Variants in RANGAP1 observed in about 807,000 individuals in gnomAD.
RANGAP1 encodes ran GTPase-activating protein 1.
In RANGAP1, 38 loss-of-function variants were observed where a neutral mutation model predicts 63.5. The observed-to-expected ratio is 0.60, with a 90% CI of 0.46 to 0.78. The LOEUF (loss-of-function observed/expected upper bound fraction) is 0.78, where lower values mean the gene tolerates loss of function less well. Ranked by LOEUF, RANGAP1 falls within the 30% of genes least tolerant of loss-of-function variation. The pLI, the probability that RANGAP1 is intolerant of heterozygous loss-of-function variation, is 0.00. For missense variants in RANGAP1, 630 were observed against 740.3 expected (o/e 0.85, Z 1.73); for synonymous variants, 329 against 310.5 (o/e 1.06, Z -0.63).
In RANGAP1 at chr22:41,246,353, A is replaced by C; in HGVS notation, c.*250T>G. The C allele has an allele frequency of 2.6e-6, 1 of 386,286 alleles. No homozygotes were observed. Among genetic ancestry groups the C allele is most frequent in the South Asian group, 3.5e-5 (1 of 28,324 alleles). 23.9% of individuals were successfully genotyped at this position (386,286 alleles called of 1,614,324 possible). A position where few individuals can be genotyped will look rare whatever the true frequency, so the allele number is the denominator to read the frequency against. On this transcript the variant is annotated 3_prime_UTR_variant, in exon 16 of 16. Coordinates refer to ENST00000356244, the MANE Select transcript of RANGAP1 (RefSeq NM_002883.4). ...CTCACAGCCCTTTCCCCTGGGGGCC[A>C]ACTCCCCACAACAGAGCAGGGCTGG...
At chr22:41,296,660 A>C in the RANGAP1 span, among the ~76,000 whole-genome samples, 1 of 152,062 alleles carries the variant, frequency 6.6e-6, no homozygotes, top group African/African-American at 2.4e-5. Context: ...AAAAAAAAAA[A>C]AAACACACAC....
At chr22:41,246,839 C>A (rs1431846148) in intron 15 of RANGAP1, among the ~76,000 whole-genome samples, 167 bp from the exon 16 acceptor site, 1 of 152,156 alleles carries the variant, frequency 6.6e-6, no homozygotes, top group Non-Finnish European at 1.5e-5. Context: ...ATGGGAGGTG[C>A]GAGAGGCTCA....
rs1215667717 is a variant in RANGAP1 at position 41,245,702 on chromosome 22, T to G, written c.*901A>C. On this transcript the variant is annotated 3_prime_UTR_variant, in exon 16 of 16. Transcript: ENST00000356244. ...GGGGAAAGCATGGGGCAGTCACGGG[T>G]GCTCAGGGAGGTCATACAGCATCTG... is the stretch of plus-strand genomic sequence containing the variant. 1 of 152,318 alleles carries G rather than the reference T, an allele frequency of 6.6e-6. No homozygotes were observed. The highest frequency in any genetic ancestry group is 1.5e-5 in the Non-Finnish European group (1 of 68,178). 9.4% of individuals were successfully genotyped at this position (152,318 alleles called of 1,614,324 possible).
chr22:41,284,189 G>A (rs1486617718), intron 1 of RANGAP1, among the ~76,000 whole-genome samples: 1 of 152,080 alleles, frequency 6.6e-6, no homozygotes, highest in Non-Finnish European at 1.5e-5. Context: ...GGAGCTTGCA[G>A]TGAGCTGAGA....
intron 15 of RANGAP1, among the ~76,000 whole-genome samples, chr22:41,248,723 C>G (rs976904384): frequency 6.6e-6 from 1 of 152,240 alleles, no homozygotes; most frequent in South Asian, 2.1e-4. Flanking sequence ...CCGACCCCTC[C>G]CTGGTGGGGC....
rs775755496 is a variant in RANGAP1, at chr22:41,254,443, TTCC to T, written c.1122_1124del (p.Glu375del). 12 of 1,610,114 alleles carry T rather than the reference TTCC, an allele frequency of 7.5e-6. No individual in the cohort carries two copies. Among genetic ancestry groups the T allele is most frequent in the African/African-American group, 5.3e-5 (4 of 74,822 alleles). Reference sequence around the variant, plus strand: ...CATCTTCCTCCTCCTCTTCTTCTGCTTCCTCTTCTTCCTCTTCTCCTTCCTCCT... The same window carrying T: ...CATCTTCCTCCTCCTCTTCTTCTGCTTCTTCTTCCTCTTCTCCTTCCTCCT... On this transcript the variant is annotated inframe_deletion, in exon 11 of 16. Coordinates refer to ENST00000356244, the MANE Select transcript of RANGAP1 (RefSeq NM_002883.4).
In RANGAP1 at chr22:41,277,524, T is replaced by C. The variant is rs1343882886; in HGVS notation, c.113-2797A>G. On this transcript the variant is annotated intron_variant, in intron 2 of 15. Coordinates refer to ENST00000356244, the MANE Select transcript of RANGAP1 (RefSeq NM_002883.4). ...TGGTACAGGATGGAGTAGGGTGACA[T>C]GTGGGAGGGAAGAGATAGAGATGGG... The C allele has an allele frequency of 5.0e-6, 6 of 1,193,754 alleles. No individual in the cohort carries two copies. The East Asian group carries it at 2.9e-4, about 57-fold the overall frequency. 73.9% of individuals were successfully genotyped at this position (1,193,754 alleles called of 1,614,324 possible).
chr22:41,263,717 T>C (rs573320739), intron 5 of RANGAP1, among the ~76,000 whole-genome samples: 7 of 152,182 alleles, frequency 4.6e-5, no homozygotes, highest in East Asian at 1.9e-4. Flanking sequence ...AACACAGGGA[T>C]AGCTTATTGC....
rs572146687 is a variant in RANGAP1, at chr22:41,254,739, G to A, written c.1074-245C>T. ...TGTAATCCCAGCACTTTGGGAGGCC[G>A]AGGTGGGTGGATCATGAGGTCAGGA... On this transcript the variant is annotated intron_variant, in intron 10 of 15. Coordinates refer to ENST00000356244, the MANE Select transcript of RANGAP1 (RefSeq NM_002883.4). 1.2e-4 allele frequency: 84 copies of A among 675,226 alleles called. 1 individual carries two copies. In the African/African-American group the frequency reaches 1.6e-3, roughly 13 times the overall value. 41.8% of individuals were successfully genotyped at this position (675,226 alleles called of 1,614,324 possible).
In RANGAP1 at chr22:41,257,948, C is replaced by G. The variant is rs1270112170; in HGVS notation, c.774G>C (p.Glu258Asp). 1.2e-6 allele frequency: 2 copies of G among 1,601,440 alleles called. No individual in the cohort carries two copies. Among genetic ancestry groups the G allele is most frequent in the Non-Finnish European group, 1.7e-6 (2 of 1,172,290 alleles). Residue 258 changes from glutamate (E) to aspartate (D), a missense_variant and splice_region_variant, in exon 7 of 16, where the codon GAG becomes GAC. This residue lies in a region of RANGAP1 where 428 missense variants were observed against 465.5 expected (regional missense o/e 0.92). Transcript: ENST00000356244. This position sits in a 1 kb window ranked among gnomAD's most constrained non-coding sequence, Gnocchi z 4.0. ...ACTGGCTCTGCCACACTCGCCTCAC[C>G]TCGGCCATGGCCACGGCGCCCTTCT... ...FTEKGAVAMA[E>D]TLKTLRQVEV...
chr22:41,256,823 G>T lies in RANGAP1; in HGVS notation c.776C>A (p.Thr259Asn), dbSNP rs771376222. The stretch of plus-strand genomic sequence containing the variant: ...CTCCACCTGCCGCAAGGTCTTCAAG[G>T]TCTGTGAGGGGGAAGCAAGGGTCCA... ...TEKGAVAMAE[T>N]LKTLRQVEVI... The change falls in exon 8 of 16, where the codon ACC becomes AAC. Residue 259 changes from threonine (T) to asparagine (N), a missense_variant and splice_region_variant. By Grantham distance (65) the Thr-to-Asn change is moderately conservative (BLOSUM62 0). Transcript: ENST00000356244. 2 of 1,613,204 alleles carry T rather than the reference G, an allele frequency of 1.2e-6. No homozygotes were observed. The highest frequency in any genetic ancestry group is 8.5e-7 in the Non-Finnish European group (1 of 1,179,264).
In RANGAP1 at chr22:41,246,036, TC is replaced by T. The variant is rs1304650937; in HGVS notation, c.*566del. 1.9e-5 allele frequency: 3 copies of T among 154,870 alleles called. No homozygotes were observed. The highest frequency in any genetic ancestry group is 4.3e-5 in the Non-Finnish European group (3 of 69,898). The allele number at this position is 154,870 out of a possible 1,614,324, so 9.6% of individuals were successfully genotyped here. Reference sequence around the variant, plus strand: ...CAACCCCACGATCCGACCCCCACAGTCCCACCCATGGCATTCTCTGCTCTTC... The same window carrying T: ...CAACCCCACGATCCGACCCCCACAGTCCACCCATGGCATTCTCTGCTCTTC... On this transcript the variant is annotated 3_prime_UTR_variant, in exon 16 of 16. Transcript: ENST00000356244.
chr22:41,294,115 G>A, the RANGAP1 span, among the ~76,000 whole-genome samples: 3 of 152,170 alleles, frequency 2.0e-5, no homozygotes. Context: ...GAAGCTGGAC[G>A]GTACTGCTGC....
At chr22:41,297,686 C>CT in the RANGAP1 span, among the ~76,000 whole-genome samples, 1,056 of 93,350 alleles carry the variant, frequency 0.011, 60 homozygotes, top group African/African-American at 0.025. Context: ...CCACACCTGG[C>CT]TTTTTTTTTT....
chr22:41,274,540 G>A, intron 3 of RANGAP1, 60 bp downstream of exon 3: 1 of 1,600,770 alleles, frequency 6.2e-7, no homozygotes, highest in Admixed American at 1.7e-5. Context: ...CAGGGGTTGT[G>A]GAAGTGTGAA....
intron 1 of RANGAP1, chr22:41,285,458 G>C (rs1202252005): frequency 1.0e-6 from 1 of 971,846 alleles, no homozygotes. Flanking sequence ...GGCTAATAGA[G>C]AAACATCCTC....
At chr22:41,278,807 C>G (rs1297157726) in intron 2 of RANGAP1, among the ~76,000 whole-genome samples, 1 of 152,194 alleles carries the variant, frequency 6.6e-6, no homozygotes, top group Non-Finnish European at 1.5e-5. Context: ...TCAAAACCAG[C>G]CTGGCCAACA....
rs1355794285 is a variant in RANGAP1, at chr22:41,256,289, T to C, written c.890A>G (p.Glu297Gly). 9 of 1,613,730 alleles carry C rather than the reference T, an allele frequency of 5.6e-6. No individual in the cohort carries two copies. Among genetic ancestry groups the C allele is most frequent in the African/African-American group, 1.3e-5 (1 of 74,824 alleles). The change falls in exon 9 of 16, where the codon GAG (glutamate) becomes GGG (glycine). Residue 297 changes from glutamate to glycine, a missense_variant and splice_region_variant. Coordinates refer to ENST00000356244, the MANE Select transcript of RANGAP1 (RefSeq NM_002883.4). Reference protein sequence around the residue: ...AIRGGLPKLKELNLSFCEIKR... With the variant: ...AIRGGLPKLKGLNLSFCEIKR... ...GATTTCACAGAATGACAAGTTCAGC[T>C]CCTGAAAATAAGAGGAAGGGTTGGA...
chr22:41,301,960 C>A, the RANGAP1 span, among the ~76,000 whole-genome samples: 1 of 152,058 alleles, frequency 6.6e-6, no homozygotes, highest in African/African-American at 2.4e-5. Context: ...AAAAATAAAT[C>A]GTCTCTAAAA....
Sources: gnomAD v4.1 joint callset for allele counts (sites outside exome capture counted in the v4.1 genomes callset) on GRCh38, gnomAD v4.1.1 for gene constraint, gnomAD v4.1.1 regional missense constraint, Gnocchi (gnomAD v3.1) non-coding constraint, MANE v1.5 for transcripts, NCBI Gene and HGNC (gene_info 2026-07-23, HGNC 2026-07-21) for gene names.